PCDHA5: variants seen among roughly 807,000 people sequenced by gnomAD.
PCDHA5 encodes the protein protocadherin alpha 5, also known as protocadherin alpha-5.
PCDHA5 carries 43 observed loss-of-function variants against 61.6 expected under a neutral mutation model. The ratio of observed to expected loss-of-function variants is 0.70; its 90% CI spans 0.55 to 0.90. The LOEUF is 0.90. PCDHA5 is among the 40% of genes least tolerant of loss of function. The pLI is 0.00. For missense variants in PCDHA5, 1,298 were observed against 1,222.7 expected (o/e 1.06, Z -0.92); for synonymous variants, 627 against 543.9 (o/e 1.15, Z -2.13).
intron 3 of PCDHA5, among the ~76,000 whole-genome samples, chr5:140,990,438 T>C (rs2097393735): frequency 2.0e-5 from 3 of 152,222 alleles, no homozygotes; most frequent in Admixed American, 2.0e-4. Context: ...CCCAATCTTG[T>C]GTCCAGAGCT....
In PCDHA5 at chr5:140,823,672, A is replaced by T; in HGVS notation, c.1897A>T (p.Thr633Ser). 15 of 1,614,048 alleles carry T rather than the reference A, an allele frequency of 9.3e-6. No individual in the cohort carries two copies. Among genetic ancestry groups the T allele is most frequent in the Non-Finnish European group, 1.3e-5 (15 of 1,179,960 alleles). ...GCTGTACACAGGCGAGATCAGCACA[A>T]CACGCTCTCTGGATGAGACCGAAGC... ...VGLYTGEIST[T>S]RSLDETEAPR... The change falls in exon 1 of 4, where the codon ACA becomes TCA. Residue 633 changes from threonine (T) to serine (S), a missense_variant. Transcript: ENST00000529859.
chr5:140,871,524 G>A (rs1554165700), intron 1 of PCDHA5: 3 of 1,546,672 alleles, frequency 1.9e-6, no homozygotes, highest in Middle Eastern at 1.7e-4. Flanking sequence ...CACCTATCAG[G>A]AAGTGTATGT....
In PCDHA5 at chr5:141,010,551, C is replaced by T. The variant is rs2098417607; in HGVS notation, c.*614C>T. ...AGCCACCCTCTAGGAGACAAAACTA[C>T]CCCCACTGACAAGGCTTTAGGAGAC... On this transcript the variant is annotated 3_prime_UTR_variant, in exon 4 of 4. Coordinates refer to ENST00000529859, the MANE Select transcript of PCDHA5 (RefSeq NM_018908.3). The T allele has an allele frequency of 9.3e-6, 3 of 323,786 alleles. No homozygotes were observed. Among genetic ancestry groups the T allele is most frequent in the African/African-American group, 2.1e-5 (1 of 47,406 alleles). The allele number at this position is 323,786 out of a possible 1,614,324, so 20.1% of individuals were successfully genotyped here.
chr5:140,828,082 G>A (rs2150150737), intron 1 of PCDHA5: 46 of 1,582,796 alleles, frequency 2.9e-5, no homozygotes, highest in Non-Finnish European at 3.7e-5. Context: ...TAAAACCAGA[G>A]GTATTTGACA....
intron 1 of PCDHA5, chr5:140,853,775 G>GT: frequency 1.0e-6 from 1 of 987,698 alleles, no homozygotes; most frequent in East Asian, 1.1e-4. Context: ...TCTGAAATGG[G>GT]TAGTAAGAGC....
At chr5:141,002,759 G>A (rs1312107218) in intron 3 of PCDHA5, among the ~76,000 whole-genome samples, 1 of 152,214 alleles carries the variant, frequency 6.6e-6, no homozygotes, top group Non-Finnish European at 1.5e-5. Flanking sequence ...ACCCTGTGAT[G>A]TAGACAGGAA....
intron 1 of PCDHA5, chr5:140,869,216 A>C: frequency 6.2e-7 from 1 of 1,613,836 alleles, no homozygotes; most frequent in South Asian, 1.1e-5. Flanking sequence ...GTCTCGGAGG[A>C]GGCCAAACAC....
intron 1 of PCDHA5, chr5:140,871,468 G>C (rs781821721): frequency 6.2e-7 from 1 of 1,602,172 alleles, no homozygotes; most frequent in East Asian, 2.2e-5. Context: ...GGAAAGACAG[G>C]AGCCAGGGTC....
At chr5:140,990,772 C>T (rs1554251728) in intron 3 of PCDHA5, among the ~76,000 whole-genome samples, 1 of 152,164 alleles carries the variant, frequency 6.6e-6, no homozygotes, top group African/African-American at 2.4e-5. Context: ...AAATTTGGCT[C>T]TGTGTTGGAC....
At chr5:140,968,141 A>G in intron 1 of PCDHA5, 1 of 1,614,110 alleles carries the variant, frequency 6.2e-7, no homozygotes, top group Non-Finnish European at 8.5e-7. Context: ...GAAGGTTGAG[A>G]TCTCTGACAT....
chr5:140,977,514 A>G (rs1554238605), intron 1 of PCDHA5, among the ~76,000 whole-genome samples: 13 of 152,216 alleles, frequency 8.5e-5, no homozygotes. Context: ...CATTTTGTGA[A>G]CTTGAAAACA....
chr5:140,984,712 G>A (rs2097116348), intron 3 of PCDHA5, among the ~76,000 whole-genome samples: 1 of 152,096 alleles, frequency 6.6e-6, no homozygotes, highest in Non-Finnish European at 1.5e-5. Context: ...AGGGAATATG[G>A]CATAAAGATT....
At chr5:140,927,981 T>C (rs2084836319) in intron 1 of PCDHA5, 2 of 1,614,206 alleles carry the variant, frequency 1.2e-6, no homozygotes, top group Non-Finnish European at 1.7e-6. Flanking sequence ...CTCTCTTTAG[T>C]GTAAAGGATG....
At chr5:140,896,501 T>G (rs1279439158) in intron 1 of PCDHA5, among the ~76,000 whole-genome samples, 4 of 152,048 alleles carry the variant, frequency 2.6e-5, no homozygotes, top group Non-Finnish European at 4.4e-5. Flanking sequence ...TAGCTGGGAC[T>G]GTGCAGGCAC....
At chr5:140,882,732 A>G (rs782399296) in intron 1 of PCDHA5, 3 of 1,614,228 alleles carry the variant, frequency 1.9e-6, no homozygotes, top group Non-Finnish European at 2.5e-6. Context: ...TTTCCACTAG[A>G]TGGCGCATCC....
At chr5:140,974,799 A>G (rs116037205) in intron 1 of PCDHA5, among the ~76,000 whole-genome samples, 2 of 152,294 alleles carry the variant, frequency 1.3e-5, no homozygotes, top group African/African-American at 2.4e-5. Context: ...TCATTTTGAT[A>G]TACTAGAAGA....
At chr5:140,897,900 A>G (rs1173970358) in intron 1 of PCDHA5, among the ~76,000 whole-genome samples, 5 of 152,140 alleles carry the variant, frequency 3.3e-5, no homozygotes, top group Non-Finnish European at 5.9e-5. Context: ...GTGAGATGGT[A>G]TCTCATTGTG....
At chr5:140,989,533 T>C (rs114286041) in intron 3 of PCDHA5, among the ~76,000 whole-genome samples, 1,576 of 152,276 alleles carry the variant, frequency 0.01, 12 homozygotes, top group Middle Eastern at 0.058. Flanking sequence ...AGGAGGAAGA[T>C]AGTTTGTAAT....
At chr5:140,941,214 C>CTTTCTTTCTTTCTTTCTTT (rs1554214039) in intron 1 of PCDHA5, among the ~76,000 whole-genome samples, 2,124 of 122,372 alleles carry the variant, frequency 0.017, 57 homozygotes, top group East Asian at 0.032. Flanking sequence ...TTTCTTTCTT[C>CTTTCTTTCTTTCTTTCTTT]CTTTCTTTCT....
Sources: allele counts gnomAD v4.1 joint callset (sites outside exome capture counted in the v4.1 genomes callset), GRCh38; gene constraint gnomAD v4.1.1; transcripts MANE v1.5; gene names NCBI Gene and HGNC (gene_info 2026-07-23, HGNC 2026-07-21).